Variants in ELOVL2 observed in about 807,000 individuals in gnomAD.
ELOVL2 encodes the protein ELOVL fatty acid elongase 2.
ELOVL2 carries 38 observed loss-of-function variants against 37.7 expected under a neutral mutation model. The ratio of observed to expected loss-of-function variants is 1.01; its 90% CI spans 0.78 to 1.32. ELOVL2 has a LOEUF of 1.32. Among genes scored for constraint, ELOVL2 ranks in the 40% most tolerant of loss-of-function variants. ELOVL2 has a pLI of 0.00. For missense variants in ELOVL2, 352 were observed against 363.6 expected (o/e 0.97, Z 0.26); for synonymous variants, 115 against 122.3 (o/e 0.94, Z 0.40).
intron 3 of ELOVL2, among the ~76,000 whole-genome samples, chr6:11,003,820 G>A (rs1043330663): frequency 6.6e-6 from 1 of 152,084 alleles, no homozygotes; most frequent in Admixed American, 6.6e-5. Context: ...GGCGGCTCAC[G>A]CCTGTAATCC....
chr6:11,000,078 G>C lies in ELOVL2; in HGVS notation c.333+9C>G. 1 of 1,613,778 alleles carries C rather than the reference G, an allele frequency of 6.2e-7. No individual in the cohort carries two copies. The highest frequency in any genetic ancestry group is 8.5e-7 in the Non-Finnish European group (1 of 1,179,686). Reference sequence around the variant, plus strand: ...GTTATAGTTGGTTGATTTGCTTCTAGTGGCTCACCCGGATGTCAGCTTCCC... The same window carrying C: ...GTTATAGTTGGTTGATTTGCTTCTACTGGCTCACCCGGATGTCAGCTTCCC... On this transcript the variant is annotated intron_variant, in intron 4 of 7. Transcript: ENST00000354666.
intron 1 of ELOVL2, among the ~76,000 whole-genome samples, chr6:11,039,818 G>A (rs1389780087): frequency 6.6e-6 from 1 of 152,046 alleles, no homozygotes; most frequent in Non-Finnish European, 1.5e-5. Flanking sequence ...ATACTTCTCT[G>A]GATATTTGAC....
intron 5 of ELOVL2, among the ~76,000 whole-genome samples, chr6:10,994,695 G>A (rs532190658): frequency 6.6e-6 from 1 of 152,328 alleles, no homozygotes; most frequent in African/African-American, 2.4e-5. Flanking sequence ...TATTTCCACA[G>A]GAGTCAAAAC....
rs541480749 is a variant in ELOVL2, at chr6:10,983,581, G to A, written c.*200C>T. Reference sequence around the variant, plus strand: ...CACCAGTTCTGAGGTCCTCGGAGGTGAGCATCACCTCAATGCTGATCAAAG... The same window carrying A: ...CACCAGTTCTGAGGTCCTCGGAGGTAAGCATCACCTCAATGCTGATCAAAG... On this transcript the variant is annotated 3_prime_UTR_variant, in exon 8 of 8. Transcript: ENST00000354666. The A allele has an allele frequency of 4.0e-6, 2 of 503,754 alleles. No homozygotes were observed. Among genetic ancestry groups the A allele is most frequent in the East Asian group, 3.9e-5 (1 of 25,622 alleles). 31.2% of individuals were successfully genotyped at this position (503,754 alleles called of 1,614,324 possible).
chr6:11,016,842 AAT>A (rs1293610520), intron 1 of ELOVL2, among the ~76,000 whole-genome samples: 1 of 152,232 alleles, frequency 6.6e-6, no homozygotes, highest in Non-Finnish European at 1.5e-5. Flanking sequence ...GATACATAAA[AAT>A]GCATAAAATT....
intron 4 of ELOVL2, 72 bp downstream of exon 4, chr6:11,000,015 G>A: frequency 3.7e-6 from 5 of 1,344,990 alleles, no homozygotes; most frequent in Non-Finnish European, 5.3e-6. Context: ...CCCTCTATCT[G>A]GAAGGAGAAA....
intron 3 of ELOVL2, among the ~76,000 whole-genome samples, chr6:11,002,722 G>A (rs1782411745): frequency 6.6e-6 from 1 of 152,188 alleles, no homozygotes; most frequent in South Asian, 2.1e-4. Context: ...TGTTGATGGT[G>A]ACTACTGTTC....
intron 5 of ELOVL2, 96 bp downstream of exon 5, chr6:10,994,911 T>A (rs974228708): frequency 9.9e-7 from 1 of 1,006,058 alleles, no homozygotes; most frequent in Admixed American, 2.7e-5. Context: ...CCTCCCTTCA[T>A]GCTCTCCTGA....
intron 1 of ELOVL2, among the ~76,000 whole-genome samples, chr6:11,025,200 C>T (rs1782821975): frequency 6.6e-6 from 1 of 152,126 alleles, no homozygotes; most frequent in African/African-American, 2.4e-5. Flanking sequence ...CAGATTCAAG[C>T]CCTCCCCTCG....
rs138671123 is a variant in ELOVL2 at position 11,026,541 on chromosome 6, T to C, written c.4-15732A>G. On this transcript the variant is annotated intron_variant, in intron 1 of 7. Coordinates refer to ENST00000354666, the MANE Select transcript of ELOVL2 (RefSeq NM_017770.4). The stretch of plus-strand genomic sequence containing the variant: ...TAATCCTGGACATGGGAGTGAAGTG[T>C]TGTACTACGGACATCCAGGACAGCC... 3.4e-3 allele frequency among the ~76,000 whole-genome samples: 515 copies of C among 152,270 alleles called. 2 individuals are homozygous for C. Among genetic ancestry groups the C allele is most frequent in the African/African-American group, 0.012 (496 of 41,556 alleles).
At chr6:11,028,336 T>C (rs1782868123) in intron 1 of ELOVL2, among the ~76,000 whole-genome samples, 2 of 152,226 alleles carry the variant, frequency 1.3e-5, no homozygotes, top group South Asian at 2.1e-4. Flanking sequence ...TTGACTTACA[T>C]CCTGTTAATC....
In ELOVL2 at chr6:10,981,617, A is replaced by G. The variant is rs1781935777; in HGVS notation, c.*2164T>C. The G allele has an allele frequency of 6.6e-6, 1 of 152,466 alleles. No individual in the cohort carries two copies. Among genetic ancestry groups the G allele is most frequent in the Non-Finnish European group, 1.5e-5 (1 of 68,052 alleles). 9.4% of individuals were successfully genotyped at this position (152,466 alleles called of 1,614,324 possible). On this transcript the variant is annotated 3_prime_UTR_variant, in exon 8 of 8. Transcript: ENST00000354666. ...AGGTTTCAAGCTGCCTTGTACTTAAAGCTGCTTGACTTTGTCTGCTGAAGG... is the reference window on the plus strand; with the variant it reads ...AGGTTTCAAGCTGCCTTGTACTTAAGGCTGCTTGACTTTGTCTGCTGAAGG...
chr6:11,001,621 A>T (rs79803432), intron 3 of ELOVL2, among the ~76,000 whole-genome samples: 3,559 of 152,284 alleles, frequency 0.023, 152 homozygotes, highest in East Asian at 0.19. Context: ...GTAACTCCTG[A>T]CTGTGGAGAG....
rs370449407 is a variant in ELOVL2, at chr6:10,989,787, C to G, written c.681G>C (p.Pro227=). The G allele has an allele frequency of 5.0e-6, 8 of 1,614,046 alleles. No individual in the cohort carries two copies. In the African/African-American group the frequency reaches 1.1e-4, roughly 22 times the overall value. Residue 227 remains proline (P), a synonymous_variant, in exon 7 of 8, where the codon CCG becomes CCC. Transcript: ENST00000354666. ...TGAGACAACCGAAGGGGAAGCCACA[C>G]GGTTTCACGACGGCGCTCATGGTGT... ...ITHTMSAVVK[P]CGFPFGCLIF... is the part of the protein sequence containing the mutation.
intron 1 of ELOVL2, among the ~76,000 whole-genome samples, chr6:11,035,992 T>C (rs1782999179): frequency 6.6e-6 from 1 of 152,210 alleles, no homozygotes; most frequent in East Asian, 1.9e-4. Flanking sequence ...AAAGAATATG[T>C]ATTCAACGTA....
At chr6:10,986,957 C>A (rs9468178) in intron 7 of ELOVL2, among the ~76,000 whole-genome samples, 2 of 152,160 alleles carry the variant, frequency 1.3e-5, no homozygotes, top group South Asian at 4.2e-4. Flanking sequence ...TGGTAGAATT[C>A]GGCTGTGAAT....
At chr6:10,983,996 T>G (rs1781993474) in intron 7 of ELOVL2, 90 bp from the exon 8 acceptor site, 2 of 1,207,428 alleles carry the variant, frequency 1.7e-6, no homozygotes, top group South Asian at 3.3e-5. Flanking sequence ...AAACAGTATG[T>G]GATTTTGTTG....
intron 1 of ELOVL2, among the ~76,000 whole-genome samples, chr6:11,027,828 G>T (rs1486744697): frequency 6.6e-6 from 1 of 152,060 alleles, no homozygotes; most frequent in East Asian, 1.9e-4. Context: ...CATCTACTAG[G>T]TATTAGGCAT....
At chr6:11,028,010 C>G (rs541834006) in intron 1 of ELOVL2, among the ~76,000 whole-genome samples, 1 of 152,268 alleles carries the variant, frequency 6.6e-6, no homozygotes, top group South Asian at 2.1e-4. Context: ...TCGTATTTCT[C>G]TTGGTATACC....
Sources: gnomAD v4.1 joint callset for allele counts (sites outside exome capture counted in the v4.1 genomes callset) on GRCh38, gnomAD v4.1.1 for gene constraint, MANE v1.5 for transcripts, NCBI Gene and HGNC (gene_info 2026-07-23, HGNC 2026-07-21) for gene names.